The following MYT1L variants were observed in gnomAD, a reference collection of about 807,000 sequenced individuals.
MYT1L encodes the protein myelin transcription factor 1 like, also known as myelin transcription factor 1-like protein.
In MYT1L, 12 loss-of-function variants were observed where a neutral mutation model predicts 126.7. The observed-to-expected ratio is 0.09, with a 90% CI of 0.06 to 0.15. The LOEUF (loss-of-function observed/expected upper bound fraction) is 0.15. Ranked by LOEUF, MYT1L falls within the 10% of genes least tolerant of loss-of-function variation. The pLI is 1.00. For missense variants in MYT1L, 979 were observed against 1,585.2 expected (o/e 0.62, Z 6.49); for synonymous variants, 541 against 604.2 (o/e 0.90, Z 1.53).
chr2:2,295,912 A>G (rs1356130896), intron 1 of MYT1L, among the ~76,000 whole-genome samples: 1 of 145,432 alleles, frequency 6.9e-6, no homozygotes, highest in Non-Finnish European at 1.5e-5. Context: ...AGAGAATAAT[A>G]AAGCTAGAGA....
At chr2:2,326,249 G>C (rs2096244985) in intron 1 of MYT1L, 2 of 152,290 alleles carry the variant, frequency 1.3e-5, no homozygotes, top group Non-Finnish European at 2.9e-5. Context: ...AACAGCACGA[G>C]GGAGCAGCCA....
rs1394669849 is a variant in MYT1L, at chr2:1,798,195, CTT to C, written c.3276+3499_3276+3500del. ...CCGGCACAGGCGCGGCGGTCTCCCT[CTT>C]CTCCGGCACAGGCGCGGCGGTCTCC... On this transcript the variant is annotated intron_variant, in intron 23 of 24. Coordinates refer to ENST00000647738, the MANE Select transcript of MYT1L (RefSeq NM_001303052.2). Among the ~76,000 whole-genome samples the C allele has an allele frequency of 8.9e-4, 28 of 31,318 alleles. 7 individuals carry two copies. Among genetic ancestry groups the C allele is most frequent in the African/African-American group, 1.5e-3 (14 of 9,094 alleles). The allele number at this position is 31,318 out of a possible 152,430, so 20.5% of individuals were successfully genotyped here. A position where few individuals can be genotyped will look rare whatever the true frequency, so the allele number is the denominator to read the frequency against.
Position 2,217,669 on chromosome 2 carries a change from T to TCAACAACAACAA in MYT1L, c.-420-44693_-420-44682dup, listed in dbSNP as rs201935161. The stretch of plus-strand genomic sequence containing the variant: ...CTGGGGGACAGAACAAAACTCCATC[T>TCAACAACAACAA]CAACAACAACAACAACAACAACAAC... On this transcript the variant is annotated intron_variant, in intron 2 of 24. Coordinates refer to ENST00000647738, the MANE Select transcript of MYT1L (RefSeq NM_001303052.2). 1.5e-4 allele frequency among the ~76,000 whole-genome samples: 14 copies of TCAACAACAACAA among 92,210 alleles called. No individual in the cohort carries two copies. The East Asian group carries it at 3.2e-3, about 21-fold the overall frequency. 60.5% of individuals were successfully genotyped at this position (92,210 alleles called of 152,430 possible). A position where few individuals can be genotyped will look rare whatever the true frequency, so the allele number is the denominator to read the frequency against.
At chr2:2,324,601 A>G (rs915833418) in intron 1 of MYT1L, 7 of 152,734 alleles carry the variant, frequency 4.6e-5, no homozygotes, top group Non-Finnish European at 1.0e-4. Flanking sequence ...GAAGACGGGC[A>G]TGCGTACAGC....
At chr2:2,181,167 T>C (rs1016847413) in intron 2 of MYT1L, among the ~76,000 whole-genome samples, 1 of 151,986 alleles carries the variant, frequency 6.6e-6, no homozygotes, top group Admixed American at 6.6e-5. Flanking sequence ...TACCTGTGTG[T>C]GCACATGTAT....
intron 18 of MYT1L, among the ~76,000 whole-genome samples, chr2:1,872,133 G>C (rs1408085491): frequency 1.3e-5 from 2 of 152,166 alleles, no homozygotes; most frequent in African/African-American, 4.8e-5. Context: ...GAAGCCTGGG[G>C]ACTGGTCTGG....
intron 4 of MYT1L, among the ~76,000 whole-genome samples, chr2:2,013,142 A>G (rs2064005585): frequency 6.6e-6 from 1 of 152,166 alleles, no homozygotes; most frequent in Admixed American, 6.5e-5. Flanking sequence ...CATGTGAATT[A>G]TATCTCAAAG....
intron 18 of MYT1L, among the ~76,000 whole-genome samples, chr2:1,876,124 G>A (rs115762670): frequency 0.038 from 5,832 of 152,250 alleles, 194 homozygotes; most frequent in Non-Finnish European, 0.059. Flanking sequence ...GTGATGTGCA[G>A]GGGAATGCTG....
At chr2:1,795,435 T>C (rs973953334) in intron 23 of MYT1L, 5 of 152,496 alleles carry the variant, frequency 3.3e-5, no homozygotes, top group African/African-American at 1.2e-4. Flanking sequence ...CAGGCCCTCA[T>C]ACGCCAGGCC....
At chr2:1,845,873 C>T (rs925349033) in intron 19 of MYT1L, among the ~76,000 whole-genome samples, 16 of 152,152 alleles carry the variant, frequency 1.1e-4, no homozygotes, top group East Asian at 7.7e-4. Context: ...TGTTATAAGA[C>T]GTTCTGTAAT....
intron 2 of MYT1L, among the ~76,000 whole-genome samples, chr2:2,260,227 G>C (rs2094927697): frequency 1.3e-5 from 2 of 152,218 alleles, no homozygotes; most frequent in Admixed American, 6.5e-5. Flanking sequence ...GGCTAACACT[G>C]TCTGTGCCTC....
intron 1 of MYT1L, chr2:2,306,151 T>C (rs2095855154): frequency 6.6e-6 from 1 of 152,162 alleles, no homozygotes; most frequent in South Asian, 2.1e-4. Flanking sequence ...ATCCCAGGTT[T>C]TGCCCTGGTG....
At chr2:2,116,592 C>A (rs573126429) in intron 3 of MYT1L, among the ~76,000 whole-genome samples, 1 of 152,410 alleles carries the variant, frequency 6.6e-6, no homozygotes, top group East Asian at 1.9e-4. Flanking sequence ...TCTCCAGAAT[C>A]TCTGCCCGTC....
intron 3 of MYT1L, among the ~76,000 whole-genome samples, chr2:2,077,809 A>C (rs1190143239): frequency 6.6e-6 from 1 of 152,228 alleles, no homozygotes; most frequent in Non-Finnish European, 1.5e-5. Flanking sequence ...CGTTTTAGAA[A>C]TACTAAAGGG....
chr2:2,068,769 G>GTTTTTTTTTTTTTTT (rs55838351), intron 3 of MYT1L, among the ~76,000 whole-genome samples: 3 of 26,192 alleles, frequency 1.1e-4, no homozygotes, highest in African/African-American at 2.2e-4. Flanking sequence ...TGTTCTTCTT[G>GTTTTTTTTTTTTTTT]TTTTTTTTTT....
intron 3 of MYT1L, among the ~76,000 whole-genome samples, chr2:2,101,914 T>C (rs892890202): frequency 6.6e-6 from 1 of 152,252 alleles, no homozygotes. Context: ...TCACCAGTCA[T>C]AACCTTTCTT....
chr2:2,132,767 A>G (rs1343470535), intron 3 of MYT1L, among the ~76,000 whole-genome samples: 1 of 152,188 alleles, frequency 6.6e-6, no homozygotes, highest in African/African-American at 2.4e-5. Context: ...AGAGACAAAG[A>G]GAGAGAAAGA....
intron 4 of MYT1L, among the ~76,000 whole-genome samples, chr2:2,003,533 T>C (rs2062626143): frequency 2.6e-5 from 4 of 152,212 alleles, no homozygotes. Flanking sequence ...GACCATGGCC[T>C]GTGGGCCTGC....
intron 3 of MYT1L, among the ~76,000 whole-genome samples, chr2:2,149,717 A>T (rs10427173): frequency 1.1e-4 from 17 of 152,170 alleles, no homozygotes; most frequent in African/African-American, 3.6e-4. Context: ...TTGCAGAAGA[A>T]GGAACAGAAG....
Sources: allele counts gnomAD v4.1 joint callset (sites outside exome capture counted in the v4.1 genomes callset), GRCh38; gene constraint gnomAD v4.1.1; transcripts MANE v1.5; gene names NCBI Gene and HGNC (gene_info 2026-07-23, HGNC 2026-07-21).